KIAA1217: variants seen among roughly 807,000 people sequenced by gnomAD.
The protein encoded by KIAA1217 is KIAA1217, also known as sickle tail protein homolog.
A neutral mutation model predicts 163.9 loss-of-function variants in KIAA1217; 88 were observed. The observed-to-expected ratio is 0.54, with a 90% confidence interval of 0.45 to 0.64. The LOEUF (loss-of-function observed/expected upper bound fraction) is 0.64. Ranked by LOEUF, KIAA1217 falls within the 30% of genes least tolerant of loss-of-function variation. The pLI is 0.00. For missense variants in KIAA1217, 2,372 were observed against 2,475.0 expected (o/e 0.96, Z 0.88); for synonymous variants, 903 against 923.1 (o/e 0.98, Z 0.39).
At chr10:24,167,561 G>A (rs2065416794) in intron 2 of KIAA1217, among the ~76,000 whole-genome samples, 1 of 152,024 alleles carries the variant, frequency 6.6e-6, no homozygotes, top group Admixed American at 6.6e-5. Context: ...ACAGACTCAG[G>A]CCCTCTCGCT....
In KIAA1217 at chr10:24,343,513, T is replaced by A. The variant is rs545227999; in HGVS notation, c.355-37356T>A. Reference sequence around the variant, plus strand: ...ACTTCATAAATTAAGGAATTAACTTTCACACTTTATGCAAATATTTCTCCA... The same window carrying A: ...ACTTCATAAATTAAGGAATTAACTTACACACTTTATGCAAATATTTCTCCA... On this transcript the variant is annotated intron_variant, in intron 2 of 20. Coordinates refer to ENST00000376454, the MANE Select transcript of KIAA1217 (RefSeq NM_019590.5). 3.9e-5 allele frequency among the ~76,000 whole-genome samples: 6 copies of A among 152,350 alleles called. No homozygotes were observed. In the East Asian group the frequency reaches 1.2e-3, roughly 29 times the overall value.
intron 3 of KIAA1217, among the ~76,000 whole-genome samples, chr10:24,423,385 A>G (rs938869188): frequency 3.3e-5 from 5 of 150,388 alleles, no homozygotes; most frequent in Middle Eastern, 3.2e-3. Flanking sequence ...TCTGAGTTCA[A>G]GTGATTCTCC....
chr10:23,806,090 A>C (rs954007027), intron 1 of KIAA1217, among the ~76,000 whole-genome samples: 2 of 151,604 alleles, frequency 1.3e-5, no homozygotes, highest in African/African-American at 4.8e-5. Context: ...ATTTTTGTCT[A>C]TTCAAAAAAA....
intron 2 of KIAA1217, among the ~76,000 whole-genome samples, chr10:24,362,216 T>A (rs1424999938): frequency 6.6e-6 from 1 of 152,112 alleles, no homozygotes; most frequent in Non-Finnish European, 1.5e-5. Flanking sequence ...CCTATTATGA[T>A]CCATTGCCAC....
chr10:23,999,980 C>T (rs974633916), intron 1 of KIAA1217, among the ~76,000 whole-genome samples: 5 of 152,082 alleles, frequency 3.3e-5, no homozygotes, highest in Admixed American at 6.6e-5. Context: ...GTGGGAGGAT[C>T]ACTTGAGCCC....
intron 2 of KIAA1217, among the ~76,000 whole-genome samples, chr10:24,045,218 A>G (rs1347595366): frequency 6.6e-6 from 1 of 152,122 alleles, no homozygotes; most frequent in Non-Finnish European, 1.5e-5. Flanking sequence ...TGTTGTTCAA[A>G]GATTCAGTTT....
chr10:23,793,788 A>G (rs572389829), intron 1 of KIAA1217, among the ~76,000 whole-genome samples: 5 of 152,190 alleles, frequency 3.3e-5, no homozygotes, highest in Non-Finnish European at 7.3e-5. Flanking sequence ...AGGCAAGCAC[A>G]AAGCACACCC....
intron 3 of KIAA1217, among the ~76,000 whole-genome samples, chr10:24,394,572 A>T (rs2055448442): frequency 6.6e-6 from 1 of 152,116 alleles, no homozygotes; most frequent in Admixed American, 6.6e-5. Context: ...GTATTTAAGG[A>T]ATTTTCAGTA....
chr10:23,869,152 T>C (rs1343027522), intron 1 of KIAA1217, among the ~76,000 whole-genome samples: 1 of 143,738 alleles, frequency 7.0e-6, no homozygotes, highest in Non-Finnish European at 1.5e-5. Context: ...TTTTTTTTTT[T>C]TTGCATAAGT....
At position 24,532,104 on chromosome 10, in the gene KIAA1217, G is replaced by A. The variant is rs147718781; in HGVS notation, c.3246+111G>A. On this transcript the variant is annotated intron_variant, in intron 15 of 20. Transcript: ENST00000376454. ...TAGTGAGGCAGAGAAGTAGTAACTC[G>A]ACCACACAAGATCCCCAGGAAGCAC... 3.9e-5 allele frequency: 37 copies of A among 956,126 alleles called. No individual in the cohort carries two copies. In the East Asian group the frequency reaches 5.7e-4, roughly 15 times the overall value. The allele number at this position is 956,126 out of a possible 1,614,324, so 59.2% of individuals were successfully genotyped here.
intron 10 of KIAA1217, among the ~76,000 whole-genome samples, chr10:24,515,495 G>A (rs557714470): frequency 1.3e-5 from 2 of 152,338 alleles, no homozygotes; most frequent in Admixed American, 1.3e-4. Flanking sequence ...GAATGAGACA[G>A]AAAAGGTAGT....
chr10:23,761,252 C>T (rs1348379415), intron 1 of KIAA1217, among the ~76,000 whole-genome samples: 1 of 152,110 alleles, frequency 6.6e-6, no homozygotes, highest in Non-Finnish European at 1.5e-5. Context: ...AAAAAACAAA[C>T]AAACAAAAAA....
chr10:23,723,974 A>G (rs539386944), intron 1 of KIAA1217, among the ~76,000 whole-genome samples: 5 of 152,310 alleles, frequency 3.3e-5, no homozygotes, highest in African/African-American at 9.6e-5. Context: ...TCATAGCGGA[A>G]GATAAAAGGG....
chr10:23,955,561 C>T (rs1844523860), intron 1 of KIAA1217, among the ~76,000 whole-genome samples: 1 of 152,138 alleles, frequency 6.6e-6, no homozygotes, highest in Non-Finnish European at 1.5e-5. Flanking sequence ...AAATCAAATA[C>T]AGGATGGGAC....
At chr10:23,825,722 G>T (rs1268952649) in intron 1 of KIAA1217, among the ~76,000 whole-genome samples, 2 of 152,178 alleles carry the variant, frequency 1.3e-5, no homozygotes, top group East Asian at 1.9e-4. Flanking sequence ...GTGGATAAGA[G>T]AAATATTCAA....
intron 8 of KIAA1217, among the ~76,000 whole-genome samples, chr10:24,499,774 C>T (rs926807189): frequency 2.0e-5 from 3 of 152,034 alleles, no homozygotes; most frequent in Admixed American, 1.3e-4. Context: ...AGCTCGCTAT[C>T]GGGTCTCCTG....
At chr10:24,334,465 AAGGAAGGAAGGAAGG>A (rs1253491263) in intron 2 of KIAA1217, among the ~76,000 whole-genome samples, 4 of 149,918 alleles carry the variant, frequency 2.7e-5, no homozygotes, top group Non-Finnish European at 5.9e-5. Flanking sequence ...GGAAGGAAGG[AAGGAAGGAAGGAAGG>A]AAGGAACTTA....
chr10:23,886,870 A>G (rs1168294623), intron 1 of KIAA1217, among the ~76,000 whole-genome samples: 1 of 151,754 alleles, frequency 6.6e-6, no homozygotes, highest in Non-Finnish European at 1.5e-5. Context: ...AGGAATTTAC[A>G]GATAAAATGT....
intron 3 of KIAA1217, among the ~76,000 whole-genome samples, chr10:24,414,764 G>T (rs557669225): frequency 1.3e-5 from 2 of 152,234 alleles, no homozygotes; most frequent in East Asian, 3.9e-4. Flanking sequence ...GCATGGTTTC[G>T]CCACCCTCAG....
Sources: gnomAD v4.1 joint callset for allele counts (sites outside exome capture counted in the v4.1 genomes callset) on GRCh38, gnomAD v4.1.1 for gene constraint, MANE v1.5 for transcripts, NCBI Gene and HGNC (gene_info 2026-07-23, HGNC 2026-07-21) for gene names.